Variants in RBFOX1 observed in about 807,000 individuals in gnomAD.
RBFOX1 encodes the protein RNA binding protein fox-1 homolog 1.
RBFOX1 carries 8 observed loss-of-function variants against 57.7 expected under a neutral mutation model. The ratio of observed to expected loss-of-function variants is 0.14; its 90% confidence interval spans 0.08 to 0.25. The LOEUF is 0.25. Among genes scored for constraint, RBFOX1 ranks in the 10% least tolerant of loss-of-function variants. The probability of loss-of-function intolerance (pLI) is 1.00; values close to 1 mark genes in which losing one functional copy is unlikely to be tolerated. For synonymous variants in RBFOX1, 326 were observed against 222.4 expected (o/e 1.47, Z -4.15); for missense variants, 611 against 548.5 (o/e 1.11, Z -1.14).
intron 4 of RBFOX1, among the ~76,000 whole-genome samples, chr16:7,443,798 C>G (rs368590928): frequency 6.6e-6 from 1 of 152,246 alleles, no homozygotes; most frequent in East Asian, 1.9e-4. Context: ...TTATACATTA[C>G]AAAACCGAAG....
chr16:5,767,648 G>A (rs986813515), intron 3 of RBFOX1, among the ~76,000 whole-genome samples: 1 of 152,158 alleles, frequency 6.6e-6, no homozygotes, highest in African/African-American at 2.4e-5. Flanking sequence ...CATTCTTGAT[G>A]TCTTCCCCTT....
Position 7,242,875 on chromosome 16 carries a change from G to A in RBFOX1, c.27+190777G>A, listed in dbSNP as rs998946303. 2.6e-5 allele frequency among the ~76,000 whole-genome samples: 4 copies of A among 152,104 alleles called. No homozygotes were observed. The South Asian group carries it at 6.2e-4, about 24-fold the overall frequency. ...CTGGTGAGAGAGATATGGAGTCTGC[G>A]GACAGTTTGCAAGCAGTGCCTCTCG... On this transcript the variant is annotated intron_variant, in intron 4 of 15. Transcript: ENST00000550418.
intron 1 of RBFOX1, among the ~76,000 whole-genome samples, chr16:5,331,540 G>C (rs1156963890): frequency 1.3e-5 from 2 of 152,234 alleles, no homozygotes; most frequent in Non-Finnish European, 2.9e-5. Context: ...TTAGGGTAAT[G>C]GCAGAGCACA....
intron 1 of RBFOX1, among the ~76,000 whole-genome samples, chr16:6,160,327 A>G (rs1220958730): frequency 6.6e-6 from 1 of 152,192 alleles, no homozygotes. Context: ...TATAGATAGT[A>G]AAGTGGTTAT....
chr16:6,613,436 G>A (rs923644563), intron 2 of RBFOX1, among the ~76,000 whole-genome samples: 3 of 152,080 alleles, frequency 2.0e-5, no homozygotes, highest in Admixed American at 6.6e-5. Context: ...TGTTTAGTAC[G>A]TGAAACCCTT....
At chr16:6,986,163 A>G (rs1320740694) in intron 3 of RBFOX1, among the ~76,000 whole-genome samples, 1 of 117,990 alleles carries the variant, frequency 8.5e-6, no homozygotes, top group Non-Finnish European at 1.6e-5. Context: ...ATATACGTCT[A>G]CCAGAATCAC....
chr16:5,975,528 AT>A (rs2060044888), intron 4 of RBFOX1, among the ~76,000 whole-genome samples: 1 of 152,056 alleles, frequency 6.6e-6, no homozygotes, highest in South Asian at 2.1e-4. Context: ...TAGGGTCCAG[AT>A]TTTTCCCCTT....
chr16:5,629,349 A>G (rs1487114136), intron 3 of RBFOX1, among the ~76,000 whole-genome samples: 3 of 152,226 alleles, frequency 2.0e-5, no homozygotes, highest in Non-Finnish European at 4.4e-5. Context: ...TAACAAGAGC[A>G]GACCCAGCTA....
intron 3 of RBFOX1, among the ~76,000 whole-genome samples, chr16:6,914,310 C>A (rs1264618459): frequency 6.6e-6 from 1 of 152,090 alleles, no homozygotes; most frequent in Admixed American, 6.6e-5. Flanking sequence ...TAGGAGGGAC[C>A]TTAGTGATAT....
intron 1 of RBFOX1, among the ~76,000 whole-genome samples, chr16:6,296,351 T>C (rs7200828): frequency 0.98 from 149,451 of 152,172 alleles, 73,463 homozygotes; most frequent in East Asian, 1. Context: ...TCACTATACT[T>C]ATCTGGAAAA....
At chr16:6,222,300 T>C (rs2097379619) in intron 1 of RBFOX1, among the ~76,000 whole-genome samples, 1 of 152,210 alleles carries the variant, frequency 6.6e-6, no homozygotes, top group South Asian at 2.1e-4. Flanking sequence ...TATACCTTGC[T>C]GTCTTCCGCT....
At chr16:6,536,774 T>C (rs1038893770) in intron 2 of RBFOX1, among the ~76,000 whole-genome samples, 1 of 152,142 alleles carries the variant, frequency 6.6e-6, no homozygotes, top group African/African-American at 2.4e-5. Flanking sequence ...AGATTAACAA[T>C]ACAAGAAGTT....
intron 4 of RBFOX1, among the ~76,000 whole-genome samples, chr16:7,054,781 A>G (rs569614688): frequency 5.0e-4 from 76 of 152,296 alleles, no homozygotes; most frequent in Non-Finnish European, 9.1e-4. Flanking sequence ...GCTATCCAGG[A>G]TGACTGGACT....
intron 1 of RBFOX1, among the ~76,000 whole-genome samples, chr16:5,434,679 T>G (rs544860475): frequency 6.6e-6 from 1 of 152,314 alleles, no homozygotes; most frequent in East Asian, 1.9e-4. Context: ...TTCTTCGTTA[T>G]CTGTTTAAAA....
intron 4 of RBFOX1, among the ~76,000 whole-genome samples, chr16:7,224,051 T>C (rs755922005): frequency 1.4e-5 from 2 of 145,904 alleles, no homozygotes; most frequent in Non-Finnish European, 3.0e-5. Flanking sequence ...ACCTTTGGGA[T>C]GCATCAGAGG....
chr16:5,504,218 C>G lies in RBFOX1; in HGVS notation c.258+36964C>G, dbSNP rs539692564. Among the ~76,000 whole-genome samples the G allele has an allele frequency of 5.3e-5, 8 of 152,338 alleles. No individual in the cohort carries two copies. The East Asian group carries it at 1.5e-3, about 29-fold the overall frequency. ...CAGCAGCACCCCTGGAGCATGTCAC[C>G]TGATTATTCCTACCCCTTCCCTGAT... On this transcript the variant is annotated intron_variant, in intron 2 of 2. Coordinates refer to the RBFOX1 transcript ENST00000585867.
intron 3 of RBFOX1, among the ~76,000 whole-genome samples, chr16:5,705,457 C>G (rs911275683): frequency 3.9e-5 from 6 of 152,068 alleles, no homozygotes; most frequent in Non-Finnish European, 7.4e-5. Context: ...AGAAGGGGTT[C>G]TCACTATATT....
Position 5,579,572 on chromosome 16 carries a change from G to A in RBFOX1, c.259-19330G>A, listed in dbSNP as rs372887336. 2.6e-4 allele frequency among the ~76,000 whole-genome samples: 40 copies of A among 152,056 alleles called. No individual in the cohort carries two copies. In the South Asian group the frequency reaches 5.2e-3, roughly 20 times the overall value. ...TCTAGTCCACCTGTTTCTCCAGCTC[G>A]CCCTGCTGCTCAAACCACGCCCTGG... On this transcript the variant is annotated intron_variant, in intron 2 of 2. Coordinates refer to the RBFOX1 transcript ENST00000585867.
chr16:7,441,392 T>A (rs2098765210), intron 4 of RBFOX1, among the ~76,000 whole-genome samples: 1 of 152,018 alleles, frequency 6.6e-6, no homozygotes, highest in African/African-American at 2.4e-5. Flanking sequence ...AGAGGTAGAG[T>A]TTTGCTCTGA....
Sources: gnomAD v4.1 joint callset for allele counts (sites outside exome capture counted in the v4.1 genomes callset) on GRCh38, gnomAD v4.1.1 for gene constraint, MANE v1.5 for transcripts, NCBI Gene and HGNC (gene_info 2026-07-23, HGNC 2026-07-21) for gene names.